STXBP5L: variants seen among roughly 807,000 people sequenced by gnomAD.
The protein encoded by STXBP5L is syntaxin binding protein 5L.
In STXBP5L, 65 loss-of-function variants were observed where a neutral mutation model predicts 144.5. The observed-to-expected ratio is 0.45, with a 90% confidence interval of 0.37 to 0.55. The LOEUF is 0.55. STXBP5L is among the 20% of genes least tolerant of loss of function. The probability of loss-of-function intolerance (pLI) is 0.00; values close to 1 mark genes in which losing one functional copy is unlikely to be tolerated. For synonymous variants in STXBP5L, 505 were observed against 469.6 expected (o/e 1.08, Z -0.97); for missense variants, 1,298 against 1,405.5 (o/e 0.92, Z 1.22).
chr3:121,251,481 A>G (rs2050024610), intron 15 of STXBP5L, among the ~76,000 whole-genome samples: 1 of 152,322 alleles, frequency 6.6e-6, no homozygotes, highest in South Asian at 2.1e-4. Flanking sequence ...ATTTAGTGTG[A>G]GTTTTGGAAG....
intron 20 of STXBP5L, among the ~76,000 whole-genome samples, chr3:121,352,638 T>A (rs541176832): frequency 6.6e-6 from 1 of 152,226 alleles, no homozygotes; most frequent in South Asian, 2.1e-4. Context: ...ACAGGGACAA[T>A]TTGACTCTTC....
chr3:120,964,658 T>C (rs976931294), intron 3 of STXBP5L, among the ~76,000 whole-genome samples: 7 of 152,246 alleles, frequency 4.6e-5, no homozygotes, highest in African/African-American at 1.7e-4. Context: ...ATTTCTGTTC[T>C]TTTACAATTG....
rs188351042 is a variant in STXBP5L, at chr3:121,413,110, C to T, written c.2949-48C>T. On this transcript the variant is annotated intron_variant, in intron 23 of 26. Coordinates refer to ENST00000471454, the MANE Select transcript of STXBP5L (RefSeq NM_001308330.2). ...ATTACTGTTTTTATGTAAATATCTG[C>T]TTCTAACAACCTGCATATGATATAT... 6.8e-4 allele frequency: 917 copies of T among 1,352,400 alleles called. 2 individuals carry two copies. The African/African-American group carries it at 0.011, about 17-fold the overall frequency. The allele number at this position is 1,352,400 out of a possible 1,614,324, so 83.8% of individuals were successfully genotyped here. A position where few individuals can be genotyped will look rare whatever the true frequency, so the allele number is the denominator to read the frequency against.
At chr3:121,187,415 C>T (rs78240712) in intron 9 of STXBP5L, among the ~76,000 whole-genome samples, 42 of 18,740 alleles carry the variant, frequency 2.2e-3, no homozygotes, top group African/African-American at 5.4e-3. Flanking sequence ...GTGGGGGGAG[C>T]GGGGAGGGGG....
At chr3:120,948,473 G>A (rs187516778) in intron 2 of STXBP5L, among the ~76,000 whole-genome samples, 10 of 151,712 alleles carry the variant, frequency 6.6e-5, no homozygotes, top group Middle Eastern at 3.4e-3. Flanking sequence ...AACTACTTTA[G>A]TGCTAATTTC....
chr3:120,962,096 C>A (rs572630810), intron 3 of STXBP5L, among the ~76,000 whole-genome samples: 1 of 152,136 alleles, frequency 6.6e-6, no homozygotes, highest in East Asian at 1.9e-4. Flanking sequence ...CTGTTCATAT[C>A]ATTTGCCCAC....
chr3:121,313,611 C>A (rs1305079899), intron 19 of STXBP5L, among the ~76,000 whole-genome samples: 1 of 97,780 alleles, frequency 1.0e-5, no homozygotes, highest in Non-Finnish European at 2.2e-5. Context: ...GGCCGACCCC[C>A]CCCCCCGCCT....
At chr3:121,102,083 A>C (rs537595816) in intron 5 of STXBP5L, among the ~76,000 whole-genome samples, 84 of 152,242 alleles carry the variant, frequency 5.5e-4, no homozygotes, top group Middle Eastern at 3.4e-3. Flanking sequence ...AAATGGAAAA[A>C]TATTTCATGC....
At chr3:121,417,412 C>G (rs1456640575) in intron 25 of STXBP5L, among the ~76,000 whole-genome samples, 1 of 152,034 alleles carries the variant, frequency 6.6e-6, no homozygotes, top group Non-Finnish European at 1.5e-5. Flanking sequence ...AATATTACAT[C>G]CTTGGGAATT....
intron 20 of STXBP5L, among the ~76,000 whole-genome samples, chr3:121,338,682 G>A (rs1463303752): frequency 6.7e-6 from 1 of 150,244 alleles, no homozygotes; most frequent in Non-Finnish European, 1.5e-5. Flanking sequence ...GAAAGAGGAA[G>A]GAAAGAAGGA....
chr3:121,092,322 C>T lies in STXBP5L; in HGVS notation c.471-22603C>T, dbSNP rs1046850460. 1.1e-3 allele frequency among the ~76,000 whole-genome samples: 168 copies of T among 152,086 alleles called. 1 individual carries two copies. Among genetic ancestry groups the T allele is most frequent in the African/African-American group, 3.9e-3 (162 of 41,462 alleles). On this transcript the variant is annotated intron_variant, in intron 5 of 26. Coordinates refer to ENST00000471454, the MANE Select transcript of STXBP5L (RefSeq NM_001308330.2). The stretch of plus-strand genomic sequence containing the variant: ...ATTCTGTGATGAAAGTCATTGGTAG[C>T]TTGATGGGGATGGCATTGAATCTAT...
chr3:121,249,633 TACAA>T (rs1201312504), intron 14 of STXBP5L, among the ~76,000 whole-genome samples: 11 of 152,146 alleles, frequency 7.2e-5, no homozygotes, highest in African/African-American at 4.8e-5. Flanking sequence ...AATCTGCAAA[TACAA>T]ACAATTTTAT....
intron 9 of STXBP5L, among the ~76,000 whole-genome samples, chr3:121,173,915 C>T (rs760824072): frequency 1.3e-4 from 20 of 151,790 alleles, no homozygotes; most frequent in South Asian, 2.1e-4. Flanking sequence ...GGTTCCATGA[C>T]GCAATTTAAG....
intron 5 of STXBP5L, among the ~76,000 whole-genome samples, chr3:121,046,829 A>G (rs1364328661): frequency 6.6e-6 from 1 of 151,580 alleles, no homozygotes; most frequent in Non-Finnish European, 1.5e-5. Context: ...GATCTTTTGT[A>G]TGGTTTTTTT....
At chr3:121,315,179 T>G (rs1372696874) in intron 19 of STXBP5L, among the ~76,000 whole-genome samples, 1 of 152,112 alleles carries the variant, frequency 6.6e-6, no homozygotes, top group Non-Finnish European at 1.5e-5. Flanking sequence ...TAAAGACACA[T>G]GCACACGTAT....
intron 10 of STXBP5L, among the ~76,000 whole-genome samples, chr3:121,214,128 T>C (rs911986766): frequency 6.6e-6 from 1 of 152,180 alleles, no homozygotes; most frequent in Non-Finnish European, 1.5e-5. Flanking sequence ...TAGTTGTCTA[T>C]GTATTTTGTT....
chr3:121,036,431 C>A (rs989777341), intron 3 of STXBP5L, among the ~76,000 whole-genome samples: 9 of 152,042 alleles, frequency 5.9e-5, no homozygotes, highest in Admixed American at 1.3e-4. Flanking sequence ...ATGTTTTCTG[C>A]AAATAGAGTT....
At chr3:121,280,108 G>A in intron 19 of STXBP5L, 152 bp downstream of exon 19, 2 of 992,290 alleles carry the variant, frequency 2.0e-6, no homozygotes, top group Non-Finnish European at 2.9e-6. Flanking sequence ...AATAAATTGG[G>A]CAGAAACATT....
intron 7 of STXBP5L, among the ~76,000 whole-genome samples, chr3:121,127,869 G>A (rs1354308465): frequency 1.3e-5 from 2 of 151,900 alleles, no homozygotes; most frequent in South Asian, 4.2e-4. Flanking sequence ...GAGGAGAACA[G>A]TTTCCCTTTT....
Sources: allele counts gnomAD v4.1 joint callset (sites outside exome capture counted in the v4.1 genomes callset), GRCh38; gene constraint gnomAD v4.1.1; transcripts MANE v1.5; gene names NCBI Gene and HGNC (gene_info 2026-07-23, HGNC 2026-07-21).